The following CTNNA3 variants were observed in gnomAD, a reference collection of about 807,000 sequenced individuals.
CTNNA3 encodes the protein catenin alpha 3, also known as catenin alpha-3.
Under a neutral mutation model 95.7 loss-of-function variants are expected in CTNNA3, and 76 were observed. The ratio of observed to expected loss-of-function variants is 0.79; its 90% CI spans 0.66 to 0.96. CTNNA3 has a LOEUF of 0.96. Ranked by LOEUF, CTNNA3 falls within the 40% of genes least tolerant of loss-of-function variation. The pLI, the probability that CTNNA3 is intolerant of heterozygous loss-of-function variation, is 0.00. For synonymous variants in CTNNA3, 431 were observed against 374.4 expected, an observed-to-expected ratio of 1.15 and a Z score of -1.74; for missense variants, 1,191 against 1,089.8, an observed-to-expected ratio of 1.09 and a Z score of -1.31.
At chr10:66,161,513 C>T (rs1393978408) in intron 13 of CTNNA3, among the ~76,000 whole-genome samples, 1 of 152,144 alleles carries the variant, frequency 6.6e-6, no homozygotes, top group African/African-American at 2.4e-5. Flanking sequence ...TTCAAGAAGG[C>T]TGAAGATAGG....
At chr10:66,902,234 A>G (rs1427760642) in intron 7 of CTNNA3, among the ~76,000 whole-genome samples, 1 of 152,230 alleles carries the variant, frequency 6.6e-6, no homozygotes, top group Non-Finnish European at 1.5e-5. Flanking sequence ...AACTCACTCA[A>G]AACCACACAG....
intron 6 of CTNNA3, among the ~76,000 whole-genome samples, chr10:67,216,330 C>A (rs543850937): frequency 4.3e-4 from 65 of 152,226 alleles, no homozygotes; most frequent in African/African-American, 1.5e-3. Flanking sequence ...AGAAAGGATT[C>A]TGAGCAGTGT....
rs376673932 is a variant in CTNNA3 at position 67,414,913 on chromosome 10, A to T, written c.579+106929T>A. 3.3e-5 allele frequency among the ~76,000 whole-genome samples: 5 copies of T among 152,250 alleles called. No homozygotes were observed. In the East Asian group the frequency reaches 5.8e-4, roughly 18 times the overall value. Reference sequence around the variant, plus strand: ...CACACAAACAGAATCAAGAGCAAAAACTATAGGATCATCTCAATAGATGCA... The same window carrying T: ...CACACAAACAGAATCAAGAGCAAAATCTATAGGATCATCTCAATAGATGCA... On this transcript the variant is annotated intron_variant, in intron 5 of 17. Coordinates refer to ENST00000433211, the MANE Select transcript of CTNNA3 (RefSeq NM_013266.4).
intron 9 of CTNNA3, among the ~76,000 whole-genome samples, chr10:66,760,871 C>T (rs1412431892): frequency 2.6e-5 from 4 of 152,058 alleles, no homozygotes; most frequent in East Asian, 1.9e-4. Context: ...AAAGCATTCC[C>T]GCCTATAGCA....
At chr10:67,176,480 G>A (rs1049318640) in intron 7 of CTNNA3, among the ~76,000 whole-genome samples, 8 of 152,198 alleles carry the variant, frequency 5.3e-5, no homozygotes, top group African/African-American at 1.9e-4. Flanking sequence ...TAAAGTGTAT[G>A]AGGGATGCTG....
At chr10:66,917,208 T>G (rs929930965) in intron 7 of CTNNA3, among the ~76,000 whole-genome samples, 3 of 152,178 alleles carry the variant, frequency 2.0e-5, no homozygotes, top group African/African-American at 7.2e-5. Flanking sequence ...ACAAGTTAAT[T>G]TTATTTTTAT....
intron 11 of CTNNA3, among the ~76,000 whole-genome samples, chr10:66,454,221 C>G (rs1012621133): frequency 3.9e-5 from 6 of 152,152 alleles, no homozygotes; most frequent in African/African-American, 7.2e-5. Flanking sequence ...AACTAGACTT[C>G]TAGACTGCAG....
In CTNNA3 at chr10:66,007,304, AT is replaced by A. The variant is rs546934425; in HGVS notation, c.2160-18508del. ...AGTTCAGACGTATACATTATTTAAA[AT>A]TTTTTTTCTCTCCATCAGATTATTT... On this transcript the variant is annotated intron_variant, in intron 15 of 17. Transcript: ENST00000433211. Among the ~76,000 whole-genome samples, 41 of 152,070 alleles carry A rather than the reference AT, an allele frequency of 2.7e-4. 1 individual carries two copies. The South Asian group carries it at 3.3e-3, about 12-fold the overall frequency.
intron 5 of CTNNA3, among the ~76,000 whole-genome samples, chr10:67,419,184 T>C (rs1845651575): frequency 6.6e-6 from 1 of 152,170 alleles, no homozygotes. Flanking sequence ...GGTTCATGTG[T>C]ACATTAAAAT....
intron 5 of CTNNA3, among the ~76,000 whole-genome samples, chr10:67,460,454 G>T (rs1365774986): frequency 6.6e-6 from 1 of 152,026 alleles, no homozygotes; most frequent in Admixed American, 6.6e-5. Context: ...GTGATTTTTT[G>T]TAGTTGACAA....
chr10:67,737,373 C>T (rs1841308463), intron 1 of CTNNA3, among the ~76,000 whole-genome samples: 1 of 151,630 alleles, frequency 6.6e-6, no homozygotes, highest in Admixed American at 6.6e-5. Context: ...AGTTTATAGC[C>T]ATAAACACCT....
chr10:66,256,798 T>G (rs556968064), intron 13 of CTNNA3, among the ~76,000 whole-genome samples: 1 of 152,060 alleles, frequency 6.6e-6, no homozygotes, highest in East Asian at 1.9e-4. Flanking sequence ...TGGCACATTC[T>G]TTTTCATTAA....
chr10:67,759,807 G>A (rs1023650736), intron 1 of CTNNA3, among the ~76,000 whole-genome samples: 29 of 152,152 alleles, frequency 1.9e-4, no homozygotes, highest in Admixed American at 1.4e-3. Context: ...AACTGAAAAC[G>A]CCCCCCTACT....
At position 66,470,733 on chromosome 10, in the gene CTNNA3, G is replaced by C. The variant is rs10997154; in HGVS notation, c.1531+49884C>G. Among the ~76,000 whole-genome samples the C allele has an allele frequency of 0.032, 4,800 of 151,868 alleles. 357 individuals are homozygous for C. In the East Asian group the frequency reaches 0.32, roughly 10 times the overall value. On this transcript the variant is annotated intron_variant, in intron 11 of 17. Coordinates refer to ENST00000433211, the MANE Select transcript of CTNNA3 (RefSeq NM_013266.4). ...GCCTATTATCATGCAGAATGAAGGA[G>C]AGAAAGCAAGAAAGGTCACTAGTCA...
chr10:67,143,300 T>C (rs573134299), intron 7 of CTNNA3, among the ~76,000 whole-genome samples: 6 of 151,752 alleles, frequency 4.0e-5, no homozygotes, highest in African/African-American at 1.4e-4. Context: ...CGGGCGACTG[T>C]AATCCCAGCT....
chr10:67,146,587 T>C (rs2132055420), intron 7 of CTNNA3, among the ~76,000 whole-genome samples: 1 of 152,306 alleles, frequency 6.6e-6, no homozygotes, highest in South Asian at 2.1e-4. Context: ...GACTCTCAAT[T>C]ATGGGCAAAT....
chr10:67,640,199 A>G (rs980849545), intron 2 of CTNNA3, among the ~76,000 whole-genome samples: 2 of 152,202 alleles, frequency 1.3e-5, no homozygotes, highest in African/African-American at 4.8e-5. Flanking sequence ...AAGCATTCTT[A>G]TACACCAATA....
At chr10:66,611,656 A>G (rs2081172737) in intron 10 of CTNNA3, among the ~76,000 whole-genome samples, 1 of 152,048 alleles carries the variant, frequency 6.6e-6, no homozygotes, top group African/African-American at 2.4e-5. Flanking sequence ...TCACTTCCTA[A>G]TTTCCAAATT....
At chr10:67,283,376 T>G (rs1348176911) in intron 5 of CTNNA3, among the ~76,000 whole-genome samples, 1 of 152,158 alleles carries the variant, frequency 6.6e-6, no homozygotes, top group Non-Finnish European at 1.5e-5. Context: ...GTGAGTGGGC[T>G]CAAGCACGCA....
Sources: gnomAD v4.1 joint callset for allele counts (sites outside exome capture counted in the v4.1 genomes callset) on GRCh38, gnomAD v4.1.1 for gene constraint, MANE v1.5 for transcripts, NCBI Gene and HGNC (gene_info 2026-07-23, HGNC 2026-07-21) for gene names.